Variants in ZNF624 observed in about 807,000 individuals in gnomAD.
ZNF624 encodes zinc finger protein 624.
ZNF624 carries 43 observed loss-of-function variants against 74.7 expected under a neutral mutation model. That is an observed-to-expected ratio of 0.58 (90% CI 0.45 to 0.74). The LOEUF (loss-of-function observed/expected upper bound fraction) is 0.74, where lower values mean the gene tolerates loss of function less well. ZNF624 is among the 30% of genes least tolerant of loss of function. The probability of loss-of-function intolerance (pLI) is 0.00; values close to 1 mark genes in which losing one functional copy is unlikely to be tolerated. For synonymous variants in ZNF624, 331 were observed against 341.3 expected (o/e 0.97, Z 0.33); for missense variants, 820 against 1,030.0 (o/e 0.80, Z 2.79).
chr17:16,639,034 G>C lies in ZNF624; in HGVS notation c.154-4278C>G, dbSNP rs375170407. Among the ~76,000 whole-genome samples the C allele has an allele frequency of 2.3e-4, 35 of 152,290 alleles. 2 individuals are homozygous for C. In the South Asian group the frequency reaches 7.3e-3, roughly 32 times the overall value. The stretch of plus-strand genomic sequence containing the variant: ...TTACAAATAAGGAAAGTGAGGCACA[G>C]AGATGTTAGATGTCTTGCCCAAAGT... On this transcript the variant is annotated intron_variant, in intron 3 of 5. Coordinates refer to ENST00000311331, the MANE Select transcript of ZNF624 (RefSeq NM_020787.4).
downstream of ZNF624, chr17:16,616,999 G>A: frequency 6.2e-7 from 1 of 1,606,502 alleles, no homozygotes. Context: ...CTGGCTCCTT[G>A]ATCTGGATTT....
chr17:16,631,298 G>T (rs532993057), intron 5 of ZNF624: 3 of 152,068 alleles, frequency 2.0e-5, no homozygotes, highest in Admixed American at 1.3e-4. Flanking sequence ...GAAAATCAAC[G>T]ATCTAAGTAC....
chr17:16,641,291 C>CT (rs137979256), intron 3 of ZNF624, among the ~76,000 whole-genome samples: 13,515 of 150,890 alleles, frequency 0.09, 706 homozygotes, highest in African/African-American at 0.15. Context: ...CTCTCTCTCT[C>CT]TTTTTTTTTG....
Position 16,634,886 on chromosome 17 carries a change from A to C in ZNF624, c.154-130T>G, listed in dbSNP as rs1909291588. 3 of 755,736 alleles carry C rather than the reference A, an allele frequency of 4.0e-6. No individual in the cohort carries two copies. In the African/African-American group the frequency reaches 5.3e-5, roughly 13 times the overall value. 46.8% of individuals were successfully genotyped at this position (755,736 alleles called of 1,614,324 possible). On this transcript the variant is annotated intron_variant, in intron 3 of 5. Coordinates refer to ENST00000311331, the MANE Select transcript of ZNF624 (RefSeq NM_020787.4). ...AATGATCATGTAGGTCAACCAGTTC[A>C]TCCTTTATAGGATGTATAAATCTCT... is the stretch of plus-strand genomic sequence containing the variant.
downstream of ZNF624, chr17:16,616,704 A>T (rs1281585530): frequency 6.3e-5 from 31 of 491,488 alleles, no homozygotes; most frequent in Non-Finnish European, 1.0e-4. Context: ...TTTTTCATCC[A>T]ATTTGGCCAC....
chr17:16,634,086 T>C, intron 4 of ZNF624, 129 bp from the exon 5 acceptor site: 2 of 580,928 alleles, frequency 3.4e-6, no homozygotes, highest in Non-Finnish European at 5.9e-6. Flanking sequence ...CACTGTCTGA[T>C]ACAGTTGCCA....
chr17:16,629,939 G>C (rs1029640928), intron 5 of ZNF624, among the ~76,000 whole-genome samples: 1 of 152,194 alleles, frequency 6.6e-6, no homozygotes. Flanking sequence ...TCAAATTTCA[G>C]AGTCCATAAG....
intron 4 of ZNF624, 79 bp from the exon 5 acceptor site, chr17:16,634,036 C>A: frequency 8.6e-7 from 1 of 1,159,996 alleles, no homozygotes. Flanking sequence ...AGTTCTTAAT[C>A]TTCTGGGCAG....
downstream of ZNF624, chr17:16,617,558 C>G (rs3813764): frequency 0.078 from 122,598 of 1,567,546 alleles, 5,578 homozygotes; most frequent in Non-Finnish European, 0.092. Context: ...AGCCTGTATT[C>G]TGTACGAACA....
At chr17:16,637,732 A>T (rs1002138235) in intron 3 of ZNF624, among the ~76,000 whole-genome samples, 1 of 152,250 alleles carries the variant, frequency 6.6e-6, no homozygotes, top group African/African-American at 2.4e-5. Context: ...TGGATTAAAG[A>T]CTTACATGTT....
Position 16,649,675 on chromosome 17 carries a change from A to C in ZNF624, c.70T>G (p.Phe24Val). The stretch of plus-strand genomic sequence containing the variant: ...CAACTTACCAGGCGTCCAACTGAGA[A>C]AAACACAGCAGCCATAATCTCTCCC... ...PEGEIMAAVF[F>V]SVGRLSPEVT... The change falls in exon 2 of 6, where the codon TTC becomes GTC. Residue 24 changes from phenylalanine (F) to valine (V), a missense_variant. Physicochemically the swap from Phe to Val is conservative, Grantham distance 50. Coordinates refer to ENST00000311331, the MANE Select transcript of ZNF624 (RefSeq NM_020787.4). The C allele has an allele frequency of 6.2e-7, 1 of 1,614,140 alleles. No individual in the cohort carries two copies. Among genetic ancestry groups the C allele is most frequent in the Non-Finnish European group, 8.5e-7 (1 of 1,179,984 alleles).
intron 3 of ZNF624, among the ~76,000 whole-genome samples, chr17:16,639,319 G>T (rs1909413525): frequency 6.6e-6 from 1 of 152,130 alleles, no homozygotes; most frequent in Non-Finnish European, 1.5e-5. Context: ...ATATCCCTTT[G>T]TAGTTTTGAA....
At chr17:16,631,549 G>C (rs1161797691) in intron 5 of ZNF624, 2 of 151,910 alleles carry the variant, frequency 1.3e-5, no homozygotes, top group African/African-American at 4.8e-5. Flanking sequence ...AACATAGTGA[G>C]ACCCCTTCCT....
chr17:16,634,834 G>A (rs1909289591), intron 3 of ZNF624, 78 bp from the exon 4 acceptor site: 1 of 1,407,146 alleles, frequency 7.1e-7, no homozygotes, highest in East Asian at 2.3e-5. Context: ...AAAAACTGGG[G>A]AAGAGCCCCA....
At chr17:16,618,050 T>C (rs114504987), downstream of ZNF624, among the ~76,000 whole-genome samples, 341 of 152,310 alleles carry the variant, frequency 2.2e-3, 1 homozygote, top group African/African-American at 7.9e-3. Flanking sequence ...GAAAAAATTG[T>C]TGCAAAAATA....
At chr17:16,617,601 C>T (rs576360482), downstream of ZNF624, 6 of 1,591,754 alleles carry the variant, frequency 3.8e-6, no homozygotes, top group Middle Eastern at 2.2e-4. Context: ...CAGATGTCTC[C>T]GACTGCTGTA....
chr17:16,638,427 C>T (rs183091903), intron 3 of ZNF624, among the ~76,000 whole-genome samples: 6 of 152,138 alleles, frequency 3.9e-5, no homozygotes, highest in Admixed American at 1.3e-4. Flanking sequence ...ATGTTTACTG[C>T]GGCACTACTC....
chr17:16,614,360 C>T, the ZNF624 span, among the ~76,000 whole-genome samples: 6 of 152,070 alleles, frequency 3.9e-5, no homozygotes, highest in Non-Finnish European at 7.4e-5. Context: ...GGGAACATCA[C>T]TTTAGATCCT....
chr17:16,620,650 G>A (rs1355374181), downstream of ZNF624: 1 of 152,118 alleles, frequency 6.6e-6, no homozygotes, highest in Non-Finnish European at 1.5e-5. Context: ...TAAGATGCAT[G>A]AGCACCTCTC....
Sources: allele counts gnomAD v4.1 joint callset (sites outside exome capture counted in the v4.1 genomes callset), GRCh38; gene constraint gnomAD v4.1.1; transcripts MANE v1.5; gene names NCBI Gene and HGNC (gene_info 2026-07-23, HGNC 2026-07-21).